The following FAM3D variants were observed in gnomAD, a reference collection of about 807,000 sequenced individuals.
FAM3D encodes FAM3 metabolism regulating signaling molecule D.
Under a neutral mutation model 29.8 loss-of-function variants are expected in FAM3D, and 26 were observed. That is an observed-to-expected ratio of 0.87 (90% CI 0.64 to 1.21). FAM3D has a LOEUF of 1.21. Ranked by LOEUF, FAM3D falls within the 50% of genes most tolerant of loss-of-function variation. FAM3D has a pLI of 0.00. For synonymous variants in FAM3D, 115 were observed against 102.3 expected, an observed-to-expected ratio of 1.12 and a Z score of -0.75; for missense variants, 253 against 290.9, an observed-to-expected ratio of 0.87 and a Z score of 0.95.
intron 1 of FAM3D, among the ~76,000 whole-genome samples, chr3:58,663,288 G>A (rs1446083352): frequency 1.3e-5 from 2 of 152,194 alleles, no homozygotes; most frequent in Non-Finnish European, 2.9e-5. Flanking sequence ...AACTGGAGAT[G>A]TTATGTATAT....
intron 1 of FAM3D, among the ~76,000 whole-genome samples, chr3:58,655,991 A>G (rs1355119822): frequency 1.3e-5 from 2 of 151,888 alleles, no homozygotes; most frequent in East Asian, 1.9e-4. Context: ...CCATCCATCC[A>G]TCCTCTATCT....
rs1394966229 is a variant in FAM3D at position 58,653,523 on chromosome 3, G to C, written c.121+151C>G. 9 of 747,218 alleles carry C rather than the reference G, an allele frequency of 1.2e-5. No homozygotes were observed. The Admixed American group carries it at 1.5e-4, about 12-fold the overall frequency. The allele number at this position is 747,218 out of a possible 1,614,324, so 46.3% of individuals were successfully genotyped here. A position where few individuals can be genotyped will look rare whatever the true frequency, so the allele number is the denominator to read the frequency against. ...TGGACTCCACCCTTCCTGGTAGTCT[G>C]GGGGTGCCCCCTCTCCCTGCAATTG... is the stretch of plus-strand genomic sequence containing the variant. On this transcript the variant is annotated intron_variant, in intron 3 of 9. Transcript: ENST00000358781.
intron 3 of FAM3D, among the ~76,000 whole-genome samples, 176 bp downstream of exon 3, chr3:58,653,498 T>A (rs2066704925): frequency 6.6e-6 from 1 of 152,232 alleles, no homozygotes; most frequent in African/African-American, 2.4e-5. Context: ...CTGTTCCCCA[T>A]GGACTCCACC....
chr3:58,666,321 G>A (rs2067029763), intron 1 of FAM3D, among the ~76,000 whole-genome samples: 1 of 152,140 alleles, frequency 6.6e-6, no homozygotes, highest in Non-Finnish European at 1.5e-5. Context: ...GCCTGAGCCC[G>A]AACCCAGCCC....
chr3:58,640,252 A>T (rs1022550204), intron 6 of FAM3D, 75 bp from the exon 7 acceptor site: 94 of 1,473,968 alleles, frequency 6.4e-5, no homozygotes, highest in Non-Finnish European at 1.0e-5. Flanking sequence ...AAAATGCCTA[A>T]TCTGTAGTCT....
chr3:58,648,493 C>G (rs1366932518), intron 4 of FAM3D, among the ~76,000 whole-genome samples: 1 of 151,820 alleles, frequency 6.6e-6, no homozygotes, highest in Non-Finnish European at 1.5e-5. Context: ...GCTGTGTGAC[C>G]CTGGCCAAAA....
intron 5 of FAM3D, among the ~76,000 whole-genome samples, chr3:58,644,394 G>A (rs1204844555): frequency 1.3e-5 from 2 of 152,166 alleles, no homozygotes; most frequent in African/African-American, 4.8e-5. Context: ...AAGATCTAAT[G>A]GTTTTATAAG....
intron 3 of FAM3D, among the ~76,000 whole-genome samples, chr3:58,649,577 A>G (rs1238363832): frequency 6.6e-6 from 1 of 152,172 alleles, no homozygotes; most frequent in Admixed American, 6.5e-5. Flanking sequence ...GCACACACAC[A>G]CACATGCAGA....
rs1467809388 is a variant in FAM3D at position 58,664,368 on chromosome 3, G to A, written c.-39+2208C>T. On this transcript the variant is annotated intron_variant, in intron 1 of 9. Coordinates refer to ENST00000358781, the MANE Select transcript of FAM3D (RefSeq NM_138805.3). ...ACTCCTTTTACTCTCAATCATTGATGTGACTAATTTATCTGATAGGCTGTG... is the reference window on the plus strand; with the variant it reads ...ACTCCTTTTACTCTCAATCATTGATATGACTAATTTATCTGATAGGCTGTG... 5.9e-5 allele frequency among the ~76,000 whole-genome samples: 9 copies of A among 152,322 alleles called. No homozygotes were observed. In the East Asian group the frequency reaches 1.7e-3, roughly 29 times the overall value.
At chr3:58,657,365 A>AG (rs1183347964) in intron 1 of FAM3D, among the ~76,000 whole-genome samples, 2 of 125,636 alleles carry the variant, frequency 1.6e-5, no homozygotes, top group Non-Finnish European at 3.2e-5. Context: ...GACGGAGAGA[A>AG]GGGGCGGGGT....
Position 58,634,577 on chromosome 3 carries a change from C to A in FAM3D, c.586-209G>T. ...GAGCCCAGTTAACTGCTCTCACGCC[C>A]TGAAGGGTAACCAGTTGTTGGAGAG... On this transcript the variant is annotated intron_variant, in intron 9 of 9. Transcript: ENST00000358781. This position sits in a 1 kb window ranked among gnomAD's most constrained non-coding sequence, Gnocchi z 4.6. 1.9e-6 allele frequency: 1 copy of A among 520,258 alleles called. No homozygotes were observed. Among genetic ancestry groups the A allele is most frequent in the East Asian group, 3.4e-5 (1 of 29,506 alleles). 32.2% of individuals were successfully genotyped at this position (520,258 alleles called of 1,614,324 possible).
intron 5 of FAM3D, among the ~76,000 whole-genome samples, chr3:58,644,479 A>G (rs963693310): frequency 7.9e-5 from 12 of 152,240 alleles, no homozygotes; most frequent in African/African-American, 2.9e-4. Context: ...GCCTTCCACC[A>G]TGATTATGAG....
chr3:58,649,532 C>T, intron 3 of FAM3D, 194 bp from the exon 4 acceptor site: 1 of 621,974 alleles, frequency 1.6e-6, no homozygotes, highest in South Asian at 1.9e-5. Flanking sequence ...TACACAGATA[C>T]ACATGTGTAC....
intron 2 of FAM3D, 102 bp from the exon 3 acceptor site, chr3:58,653,883 C>T (rs2106895938): frequency 1.2e-6 from 1 of 855,014 alleles, no homozygotes; most frequent in East Asian, 2.5e-5. Context: ...ATGCTATAGG[C>T]TCAGACCACA....
intron 1 of FAM3D, among the ~76,000 whole-genome samples, chr3:58,656,738 T>G (rs970296092): frequency 2.6e-5 from 4 of 152,172 alleles, no homozygotes; most frequent in Non-Finnish European, 5.9e-5. Flanking sequence ...TCAACAGACA[T>G]GGTCTCCAAA....
chr3:58,649,826 C>G (rs1321881287), intron 3 of FAM3D, among the ~76,000 whole-genome samples: 2 of 152,170 alleles, frequency 1.3e-5, no homozygotes, highest in African/African-American at 4.8e-5. Context: ...AGACATTTAA[C>G]CTCCCTGGGC....
intron 1 of FAM3D, among the ~76,000 whole-genome samples, chr3:58,657,166 G>A (rs1302237160): frequency 6.6e-6 from 1 of 152,138 alleles, no homozygotes; most frequent in Non-Finnish European, 1.5e-5. Flanking sequence ...AGGAACCTAG[G>A]TTCTTGGATG....
In FAM3D at chr3:58,655,601, C is replaced by G; in HGVS notation, c.-38G>C. 4 of 1,609,254 alleles carry G rather than the reference C, an allele frequency of 2.5e-6. No individual in the cohort carries two copies. Among genetic ancestry groups the G allele is most frequent in the Non-Finnish European group, 3.4e-6 (4 of 1,177,004 alleles). On this transcript the variant is annotated splice_region_variant and 5_prime_UTR_variant, in exon 2 of 10. Coordinates refer to ENST00000358781, the MANE Select transcript of FAM3D (RefSeq NM_138805.3). The stretch of plus-strand genomic sequence containing the variant: ...AAGGGTGGCTTGGGGTCAGCTTCCA[C>G]CTATGGAGAGAAGAAAATCCAGTCG...
At chr3:58,665,931 T>C (rs1336466274) in intron 1 of FAM3D, among the ~76,000 whole-genome samples, 1 of 152,186 alleles carries the variant, frequency 6.6e-6, no homozygotes, top group Non-Finnish European at 1.5e-5. Context: ...AGACTCTCTC[T>C]CCCATTTTAC....
Sources: allele counts gnomAD v4.1 joint callset (sites outside exome capture counted in the v4.1 genomes callset), GRCh38; gene constraint gnomAD v4.1.1; non-coding constraint Gnocchi (gnomAD v3.1); transcripts MANE v1.5; gene names NCBI Gene and HGNC (gene_info 2026-07-23, HGNC 2026-07-21).